The following SEMG1 variants were observed in gnomAD, a reference collection of about 807,000 sequenced individuals.
SEMG1 encodes semenogelin 1.
Under a neutral mutation model 8.8 loss-of-function variants are expected in SEMG1, and 6 were observed. The ratio of observed to expected loss-of-function variants is 0.68; its 90% CI spans 0.37 to 1.35. The LOEUF (loss-of-function observed/expected upper bound fraction) is 1.35, where lower values mean the gene tolerates loss of function less well. Among genes scored for constraint, SEMG1 ranks in the 40% most tolerant of loss-of-function variants. The pLI is 0.02. For synonymous variants in SEMG1, 221 were observed against 190.3 expected (o/e 1.16, Z -1.33); for missense variants, 580 against 533.6 (o/e 1.09, Z -0.86).
At chr20:45,207,312 G>C in intron 1 of SEMG1, 62 bp from the exon 2 acceptor site, 1 of 1,453,140 alleles carries the variant, frequency 6.9e-7, no homozygotes, top group Admixed American at 2.0e-5. Flanking sequence ...AAAGTGGGGG[G>C]TAAGAGTTGT....
rs1223116537 is a variant in SEMG1, at chr20:45,209,686, C to T, written c.*130C>T. On this transcript the variant is annotated 3_prime_UTR_variant, in exon 3 of 3. Coordinates refer to ENST00000372781, the MANE Select transcript of SEMG1 (RefSeq NM_003007.5). ...CAGATTCTTGGTCCATGGATGACAC[C>T]ACCTGCCCATGCTTCCTTGAATTAG... 6.6e-6 allele frequency: 1 copy of T among 152,152 alleles called. No individual in the cohort carries two copies. Among genetic ancestry groups the T allele is most frequent in the African/African-American group, 2.4e-5 (1 of 41,412 alleles). 9.4% of individuals were successfully genotyped at this position (152,152 alleles called of 1,614,324 possible).
rs749560721 is a variant in SEMG1, at chr20:45,207,619, C to A, written c.322C>A (p.His108Asn). 6.2e-7 allele frequency: 1 copy of A among 1,613,650 alleles called. No homozygotes were observed. The highest frequency in any genetic ancestry group is 2.2e-5 in the East Asian group (1 of 44,878). Residue 108 changes from histidine to asparagine, a missense_variant, in exon 2 of 3, where the codon CAT (histidine) becomes AAT (asparagine). Physicochemically the swap from His to Asn is moderately conservative, Grantham distance 68. Transcript: ENST00000372781. ...RHLGGSQQLL[H>N]NKQEGRDHDK... ...TCTAGGTGGAAGTCAACAACTGCTCCATAATAAACAAGAAGGCAGAGACCA... is the reference window on the plus strand; with the variant it reads ...TCTAGGTGGAAGTCAACAACTGCTCAATAATAAACAAGAAGGCAGAGACCA...
At position 45,209,286 on chromosome 20, in the gene SEMG1, G is replaced by C. The variant is rs139206961; in HGVS notation, c.*45-315G>C. 1.7e-3 allele frequency among the ~76,000 whole-genome samples: 262 copies of C among 152,310 alleles called. 2 individuals carry two copies. The highest frequency in any genetic ancestry group is 5.9e-3 in the African/African-American group (244 of 41,570). ...AAAGATCCTTGTTCATGTTGTGAAAGAGAAGATGGAAAGGGAGACACAAGA... is the reference window on the plus strand; with the variant it reads ...AAAGATCCTTGTTCATGTTGTGAAACAGAAGATGGAAAGGGAGACACAAGA... On this transcript the variant is annotated intron_variant, in intron 2 of 2. Coordinates refer to ENST00000372781, the MANE Select transcript of SEMG1 (RefSeq NM_003007.5).
intron 2 of SEMG1, 42 bp downstream of exon 2, chr20:45,208,772 GT>G: frequency 1.1e-6 from 1 of 929,352 alleles, no homozygotes; most frequent in Non-Finnish European, 1.7e-6. Context: ...CTCTCTCATT[GT>G]TTAGAATTGT....
chr20:45,207,739 A>T lies in SEMG1; in HGVS notation c.442A>T (p.Asn148Tyr), dbSNP rs372493181. ...GTQNPSQDQG[N>Y]SPSGKGISSQ... Reference sequence around the variant, plus strand: ...ACAAAATCCTTCTCAAGATCAGGGGAATAGCCCATCTGGAAAGGGAATATC... The same window carrying T: ...ACAAAATCCTTCTCAAGATCAGGGGTATAGCCCATCTGGAAAGGGAATATC... Residue 148 changes from asparagine (N) to tyrosine (Y), a missense_variant, in exon 2 of 3, where the codon AAT becomes TAT. Asn to Tyr is a moderately radical substitution (Grantham distance 143). Coordinates refer to ENST00000372781, the MANE Select transcript of SEMG1 (RefSeq NM_003007.5). 4 of 1,613,890 alleles carry T rather than the reference A, an allele frequency of 2.5e-6. No homozygotes were observed. The African/African-American group carries it at 5.3e-5, about 22-fold the overall frequency.
chr20:45,208,700 T>C lies in SEMG1; in HGVS notation c.*14T>C. Reference sequence around the variant, plus strand: ...TTATTTACATAAACCTACCATTCGGTAACCATGTGAAAGGATGGACCAATA... The same window carrying C: ...TTATTTACATAAACCTACCATTCGGCAACCATGTGAAAGGATGGACCAATA... On this transcript the variant is annotated 3_prime_UTR_variant, in exon 2 of 3. Transcript: ENST00000372781. 2.6e-6 allele frequency: 4 copies of C among 1,563,404 alleles called. No homozygotes were observed. The highest frequency in any genetic ancestry group is 3.5e-6 in the Non-Finnish European group (4 of 1,147,328).
chr20:45,209,602 T>G lies in SEMG1; in HGVS notation c.*46T>G, dbSNP rs1330692761. On this transcript the variant is annotated splice_region_variant and 3_prime_UTR_variant, in exon 3 of 3. Transcript: ENST00000372781. ...ACTGATTCTCTTCTTTCTCTCTAGG[T>G]GTCAGTTGACCTCAGTGAATTCTGT... is the stretch of plus-strand genomic sequence containing the variant. 6.6e-6 allele frequency: 1 copy of G among 152,224 alleles called. No individual in the cohort carries two copies. The allele number at this position is 152,224 out of a possible 1,614,324, so 9.4% of individuals were successfully genotyped here.
rs781670791 is a variant in SEMG1, at chr20:45,208,630, A to G, written c.1333A>G (p.Ser445Gly). The change falls in exon 2 of 3, where the codon AGT (serine) becomes GGT (glycine). Residue 445 changes from serine (S) to glycine (G), a missense_variant. Transcript: ENST00000372781. ...DIVIIEQEDD[S>G]DRHLAQHLNN... Reference sequence around the variant, plus strand: ...TGTAATTATAGAGCAGGAAGATGACAGTGATCGTCATTTGGCACAACATCT... The same window carrying G: ...TGTAATTATAGAGCAGGAAGATGACGGTGATCGTCATTTGGCACAACATCT... The G allele has an allele frequency of 2.5e-5, 41 of 1,612,832 alleles. No individual in the cohort carries two copies. The highest frequency in any genetic ancestry group is 8.0e-5 in the African/African-American group (6 of 74,868).
At position 45,208,527 on chromosome 20, in the gene SEMG1, T is replaced by G; in HGVS notation, c.1230T>G (p.Ser410=). The G allele has an allele frequency of 6.2e-7, 1 of 1,613,948 alleles. No individual in the cohort carries two copies. The highest frequency in any genetic ancestry group is 8.5e-7 in the Non-Finnish European group (1 of 1,179,948). The change falls in exon 2 of 3, where the codon TCT becomes TCG. Residue 410 remains serine (S), a synonymous_variant. Transcript: ENST00000372781. ...ATGCAAAAGGAGAGTCTGGCCAATC[T>G]ACAAATAGAGAACAAGACCTACTCA... The part of the protein sequence containing the change: ...GENAKGESGQ[S]TNREQDLLSH...
Position 45,207,384 on chromosome 20 carries a change from AG to A in SEMG1, c.89del (p.Gly30AlafsTer42). 6.2e-7 allele frequency: 1 copy of A among 1,608,914 alleles called. No homozygotes were observed. Among genetic ancestry groups the A allele is most frequent in the Non-Finnish European group, 8.5e-7 (1 of 1,177,792 alleles). The stretch of plus-strand genomic sequence containing the variant: ...ATTATCAATTACCAGGTGGATCAAA[AG>A]GCCGATTACCAAGTGAATTTTCCCA... ...AVMGQKGGSK[G>X]RLPSEFSQFP... On this transcript the variant is annotated frameshift_variant, in exon 2 of 3. Transcript: ENST00000372781. LOFTEE classifies it high-confidence loss of function.
chr20:45,208,400 A>T lies in SEMG1; in HGVS notation c.1103A>T (p.Asp368Val). The change falls in exon 2 of 3, where the codon GAT becomes GTT. Residue 368 changes from aspartate to valine, a missense_variant. Asp to Val is a radical substitution (Grantham distance 152). Coordinates refer to ENST00000372781, the MANE Select transcript of SEMG1 (RefSeq NM_003007.5). ...LHYGENGVQK[D>V]VSQRSIYSQT... ...TATGGAGAAAATGGTGTGCAGAAAG[A>T]TGTATCCCAACGCAGTATTTATAGC... The T allele has an allele frequency of 1.2e-6, 2 of 1,613,964 alleles. No homozygotes were observed. The highest frequency in any genetic ancestry group is 1.7e-6 in the Non-Finnish European group (2 of 1,179,940).
chr20:45,207,226 C>A, intron 1 of SEMG1, 97 bp downstream of exon 1: 1 of 1,529,748 alleles, frequency 6.5e-7, no homozygotes, highest in South Asian at 1.2e-5. Context: ...GGCACAGATT[C>A]TTCTCTTTGA....
chr20:45,209,120 G>C (rs539328276), intron 2 of SEMG1, among the ~76,000 whole-genome samples: 1 of 152,122 alleles, frequency 6.6e-6, no homozygotes, highest in African/African-American at 2.4e-5. Flanking sequence ...TAGTATAAAG[G>C]ATTACAGCCA....
At position 45,207,359 on chromosome 20, in the gene SEMG1, A is replaced by T. The variant is rs371420451; in HGVS notation, c.77-15A>T. On this transcript the variant is annotated splice_polypyrimidine_tract_variant and intron_variant, in intron 1 of 2. Transcript: ENST00000372781. ...GGAGATAATGAATGCATACCTTCTT[A>T]TTATCAATTACCAGGTGGATCAAAA... 21 of 1,587,588 alleles carry T rather than the reference A, an allele frequency of 1.3e-5. No individual in the cohort carries two copies. In the African/African-American group the frequency reaches 2.4e-4, roughly 18 times the overall value.
Position 45,208,056 on chromosome 20 carries a change from T to C in SEMG1, c.759T>C (p.Ile253=), listed in dbSNP as rs768359429. ...QDKLQHGSKD[I]FSTQDELLVY... ...AACTCCAACATGGATCCAAAGACAT[T>C]TTTTCTACCCAAGATGAGCTCCTAG... The change falls in exon 2 of 3, where the codon ATT becomes ATC. Residue 253 remains isoleucine, a synonymous_variant. Coordinates refer to ENST00000372781, the MANE Select transcript of SEMG1 (RefSeq NM_003007.5). 8 of 1,613,922 alleles carry C rather than the reference T, an allele frequency of 5.0e-6. No individual in the cohort carries two copies. The South Asian group carries it at 8.8e-5, about 18-fold the overall frequency.
chr20:45,208,599 G>A lies in SEMG1; in HGVS notation c.1302G>A (p.Leu434=). Residue 434 remains leucine (L), a synonymous_variant, in exon 2 of 3, where the codon TTG becomes TTA. Coordinates refer to ENST00000372781, the MANE Select transcript of SEMG1 (RefSeq NM_003007.5). ...ACCAACATGGATCTCATGGGGGATT[G>A]GATATTGTAATTATAGAGCAGGAAG... ...GRHQHGSHGG[L]DIVIIEQEDD... The A allele has an allele frequency of 3.1e-6, 5 of 1,613,922 alleles. No individual in the cohort carries two copies. Among genetic ancestry groups the A allele is most frequent in the Non-Finnish European group, 4.2e-6 (5 of 1,179,864 alleles).
chr20:45,207,460 C>A lies in SEMG1; in HGVS notation c.163C>A (p.Gln55Lys), dbSNP rs768299634. The change falls in exon 2 of 3, where the codon CAA (glutamine) becomes AAA (lysine). Residue 55 changes from glutamine to lysine, a missense_variant. Transcript: ENST00000372781. ...GCACTATTCTGGACAAAAAGGCAAGCAACAAACTGAATCCAAAGGCAGTTT... is the reference window on the plus strand; with the variant it reads ...GCACTATTCTGGACAAAAAGGCAAGAAACAAACTGAATCCAAAGGCAGTTT... ...GQHYSGQKGK[Q>K]QTESKGSFSI... 1.9e-6 allele frequency: 3 copies of A among 1,613,854 alleles called. No homozygotes were observed. The highest frequency in any genetic ancestry group is 1.1e-5 in the South Asian group (1 of 91,070).
chr20:45,209,418 A>G lies in SEMG1; in HGVS notation c.*45-183A>G, dbSNP rs563709783. 2.0e-5 allele frequency among the ~76,000 whole-genome samples: 3 copies of G among 152,290 alleles called. No individual in the cohort carries two copies. In the East Asian group the frequency reaches 5.8e-4, roughly 29 times the overall value. ...CTTCCCTGCCTCTTTGCAGTAAGTA[A>G]CACTGCACTTGAAGAGAGGGCAAGC... is the stretch of plus-strand genomic sequence containing the variant. On this transcript the variant is annotated intron_variant, in intron 2 of 2. Coordinates refer to ENST00000372781, the MANE Select transcript of SEMG1 (RefSeq NM_003007.5).
At position 45,208,463 on chromosome 20, in the gene SEMG1, A is replaced by G; in HGVS notation, c.1166A>G (p.Gln389Arg). The change falls in exon 2 of 3, where the codon CAG becomes CGG. Residue 389 changes from glutamine (Q) to arginine (R), a missense_variant. Gln to Arg is a conservative substitution (Grantham distance 43, BLOSUM62 1). Transcript: ENST00000372781. ...CTAGTAGCAGGCAAGTCTCAAATCC[A>G]GGCACCAAATCCTAAGCAAGAGCCA... ...EKLVAGKSQI[Q>R]APNPKQEPWH... The G allele has an allele frequency of 6.2e-7, 1 of 1,613,984 alleles. No individual in the cohort carries two copies. The highest frequency in any genetic ancestry group is 8.5e-7 in the Non-Finnish European group (1 of 1,179,960).
Sources: gnomAD v4.1 joint callset for allele counts (sites outside exome capture counted in the v4.1 genomes callset) on GRCh38, gnomAD v4.1.1 for gene constraint, MANE v1.5 for transcripts, NCBI Gene and HGNC (gene_info 2026-07-23, HGNC 2026-07-21) for gene names.